ZNF878: variants seen among roughly 807,000 people sequenced by gnomAD.
The protein encoded by ZNF878 is zinc finger protein 878.
In ZNF878, 10 loss-of-function variants were observed where a neutral mutation model predicts 11.1. The observed-to-expected ratio is 0.90, with a 90% confidence interval of 0.56 to 1.53. The LOEUF (loss-of-function observed/expected upper bound fraction) is 1.53, where lower values mean the gene tolerates loss of function less well. ZNF878 is among the 40% of genes most tolerant of loss of function. The pLI, the probability that ZNF878 is intolerant of heterozygous loss-of-function variation, is 0.00. For missense variants in ZNF878, 548 were observed against 626.1 expected (o/e 0.88, Z 1.33); for synonymous variants, 165 against 209.7 (o/e 0.79, Z 1.84).
chr19:12,052,080 C>A (rs1463991689), intron 1 of ZNF878, among the ~76,000 whole-genome samples: 3 of 152,296 alleles, frequency 2.0e-5, no homozygotes, highest in South Asian at 2.1e-4. Flanking sequence ...ACCACCTGTG[C>A]CTTCTAACCC....
At position 12,052,945 on chromosome 19, in the gene ZNF878, C is replaced by A. The variant is rs1975566002; in HGVS notation, c.-144G>T. 32 of 1,360,130 alleles carry A rather than the reference C, an allele frequency of 2.4e-5. No homozygotes were observed. The South Asian group carries it at 4.2e-4, about 18-fold the overall frequency. The allele number at this position is 1,360,130 out of a possible 1,614,324, so 84.3% of individuals were successfully genotyped here. A position where few individuals can be genotyped will look rare whatever the true frequency, so the allele number is the denominator to read the frequency against. On this transcript the variant is annotated 5_prime_UTR_variant, in exon 1 of 4. Transcript: ENST00000547628. ...AGAAAGCCCCAGACCTTAACTAGCG[C>A]GAGCAGCCCTAGGAGTGAAGAGAGC...
chr19:12,049,092 G>A (rs1403084405), intron 1 of ZNF878, among the ~76,000 whole-genome samples: 3 of 145,922 alleles, frequency 2.1e-5, no homozygotes, highest in Non-Finnish European at 3.0e-5. Flanking sequence ...GCAGTGAGCC[G>A]AGATCACGCC....
rs59577895 is a variant in ZNF878 at position 12,049,460 on chromosome 19, C to CAAAAAAAAAAAAAA, written c.4-2714_4-2701dup. Among the ~76,000 whole-genome samples the CAAAAAAAAAAAAAA allele has an allele frequency of 6.7e-3, 243 of 36,022 alleles. 15 individuals are homozygous for CAAAAAAAAAAAAAA. Among genetic ancestry groups the CAAAAAAAAAAAAAA allele is most frequent in the Middle Eastern group, 0.05 (1 of 20 alleles). 23.6% of individuals were successfully genotyped at this position (36,022 alleles called of 152,430 possible). ...TGAGCGACAGAGCGAGACTCCCTCT[C>CAAAAAAAAAAAAAA]AAAAAAAAAAAAAAAAAAAAAGAAT... On this transcript the variant is annotated intron_variant, in intron 1 of 3. Coordinates refer to ENST00000547628, the MANE Select transcript of ZNF878 (RefSeq NM_001080404.3).
chr19:12,049,473 A>AAAAAAAAAAAAAAAAAAAAT (rs1975529961), intron 1 of ZNF878, among the ~76,000 whole-genome samples: 1 of 147,598 alleles, frequency 6.8e-6, no homozygotes, highest in African/African-American at 2.5e-5. Context: ...AAAAAAAAAA[A>AAAAAAAAAAAAAAAAAAAAT]AAAAAAAAGA....
At position 12,044,072 on chromosome 19, in the gene ZNF878, C is replaced by G. The variant is rs1913592482; in HGVS notation, c.1329G>C (p.Arg443Ser). The G allele has an allele frequency of 1.5e-5, 24 of 1,613,438 alleles. No individual in the cohort carries two copies. Among genetic ancestry groups the G allele is most frequent in the Non-Finnish European group, 1.9e-5 (22 of 1,179,862 alleles). The stretch of plus-strand genomic sequence containing the variant: ...CATAGGGTTTCTCTCCTGTGTGAGT[C>G]CTTTCATGCATTTTAAGTTGTGAGG... ...RVASQLKMHE[R>S]THTGEKPYEC... The change falls in exon 4 of 4, where the codon AGG (arginine) becomes AGC (serine). Residue 443 changes from arginine (R) to serine (S), a missense_variant. Physicochemically the swap from Arg to Ser is moderately radical, Grantham distance 110. Transcript: ENST00000547628.
chr19:12,048,090 G>T (rs1157267974), intron 1 of ZNF878, among the ~76,000 whole-genome samples: 2 of 152,278 alleles, frequency 1.3e-5, no homozygotes, highest in East Asian at 3.9e-4. Flanking sequence ...TCAACACAGT[G>T]GCATGTTTGC....
chr19:12,051,997 C>A (rs1975556569), intron 1 of ZNF878, among the ~76,000 whole-genome samples: 1 of 152,174 alleles, frequency 6.6e-6, no homozygotes. Flanking sequence ...TAACAGCCCT[C>A]CTTCCTACAG....
chr19:12,048,233 C>T (rs901039642), intron 1 of ZNF878, among the ~76,000 whole-genome samples: 4 of 151,896 alleles, frequency 2.6e-5, no homozygotes, highest in African/African-American at 9.7e-5. Flanking sequence ...ATATGGCAGG[C>T]CTGGGCTGGG....
intron 1 of ZNF878, among the ~76,000 whole-genome samples, chr19:12,052,286 CTT>C (rs1975559164): frequency 6.6e-6 from 1 of 152,172 alleles, no homozygotes; most frequent in Non-Finnish European, 1.5e-5. Context: ...TCAGAATAAA[CTT>C]ATTCTACACG....
intron 1 of ZNF878, among the ~76,000 whole-genome samples, chr19:12,048,510 T>A: frequency 7.8e-6 from 1 of 128,892 alleles, no homozygotes; most frequent in African/African-American, 3.0e-5. Flanking sequence ...TGAACGAGAC[T>A]CCATCTCAAA....
intron 1 of ZNF878, among the ~76,000 whole-genome samples, 199 bp downstream of exon 1, chr19:12,052,600 G>A (rs1028453025): frequency 2.6e-5 from 4 of 152,192 alleles, no homozygotes; most frequent in African/African-American, 9.6e-5. Flanking sequence ...CGCAGGGACC[G>A]GACAGGACGC....
At chr19:12,048,298 C>A (rs1975514596) in intron 1 of ZNF878, among the ~76,000 whole-genome samples, 1 of 151,312 alleles carries the variant, frequency 6.6e-6, no homozygotes, top group Non-Finnish European at 1.5e-5. Context: ...GCGGGTGGAT[C>A]ACGAGGTCAG....
chr19:12,044,675 T>A lies in ZNF878; in HGVS notation c.726A>T (p.Leu242Phe). 6.2e-7 allele frequency: 1 copy of A among 1,613,896 alleles called. No homozygotes were observed. Among genetic ancestry groups the A allele is most frequent in the South Asian group, 1.1e-5 (1 of 91,048 alleles). The change falls in exon 4 of 4, where the codon TTA (leucine) becomes TTT (phenylalanine). Residue 242 changes from leucine to phenylalanine, a missense_variant. Transcript: ENST00000547628. ...CAGTGTGACTTTTCTCGTGTCTTTTTAACGAACTGGGAGAAAAAAAGGCTT... is the reference window on the plus strand; with the variant it reads ...CAGTGTGACTTTTCTCGTGTCTTTTAAACGAACTGGGAGAAAAAAAGGCTT... ...CGKAFFSPSS[L>F]KRHEKSHTGE...
At chr19:12,049,089 GC>G (rs1302794752) in intron 1 of ZNF878, among the ~76,000 whole-genome samples, 2 of 148,244 alleles carry the variant, frequency 1.3e-5, no homozygotes, top group Non-Finnish European at 3.0e-5. Context: ...GTTGCAGTGA[GC>G]CGAGATCACG....
At position 12,043,903 on chromosome 19, in the gene ZNF878, T is replaced by C; in HGVS notation, c.1498A>G (p.Ile500Val). 6.2e-7 allele frequency: 1 copy of C among 1,614,108 alleles called. No homozygotes were observed. Among genetic ancestry groups the C allele is most frequent in the Non-Finnish European group, 8.5e-7 (1 of 1,180,008 alleles). Residue 500 changes from isoleucine to valine, a missense_variant, in exon 4 of 4, where the codon ATT becomes GTT. Physicochemically the swap from Ile to Val is conservative, Grantham distance 29 (BLOSUM62 3). This residue lies in a region of ZNF878 where 335 missense variants were observed against 358.2 expected (regional missense o/e 0.94). Transcript: ENST00000547628. ...TCATAGGGTTTCTCTCCAGTATGAA[T>C]CCTTTCATGGTAGAGAAAAGAGTTG... ...SSNSFLYHER[I>V]HTGEKPYECK...
chr19:12,048,007 G>C (rs1237682653), intron 1 of ZNF878, among the ~76,000 whole-genome samples: 1 of 152,028 alleles, frequency 6.6e-6, no homozygotes, highest in Non-Finnish European at 1.5e-5. Context: ...TTGTCACCAA[G>C]GTCAAAAACT....
At position 12,046,350 on chromosome 19, in the gene ZNF878, C is replaced by A; in HGVS notation, c.191+18G>T. ...ATTGTATACAGAGACATTGTTTTCT[C>A]TTTTAAGTGCCAGTTACCTTAGGTT... is the stretch of plus-strand genomic sequence containing the variant. On this transcript the variant is annotated intron_variant, in intron 3 of 3. Transcript: ENST00000547628. The A allele has an allele frequency of 6.5e-7, 1 of 1,536,420 alleles. No individual in the cohort carries two copies. Among genetic ancestry groups the A allele is most frequent in the East Asian group, 2.4e-5 (1 of 42,332 alleles).
chr19:12,045,498 A>G (rs1599389299), intron 3 of ZNF878, among the ~76,000 whole-genome samples: 2 of 151,894 alleles, frequency 1.3e-5, no homozygotes, highest in East Asian at 3.9e-4. Flanking sequence ...AATACAAAAA[A>G]TTAGCCGGGC....
At chr19:12,050,673 C>A (rs1217940158) in intron 1 of ZNF878, among the ~76,000 whole-genome samples, 1 of 152,202 alleles carries the variant, frequency 6.6e-6, no homozygotes, top group Non-Finnish European at 1.5e-5. Context: ...TCAGGAAAGA[C>A]CCCTTCCCTC....
Sources: gnomAD v4.1 joint callset for allele counts (sites outside exome capture counted in the v4.1 genomes callset) on GRCh38, gnomAD v4.1.1 for gene constraint, gnomAD v4.1.1 regional missense constraint, MANE v1.5 for transcripts, NCBI Gene and HGNC (gene_info 2026-07-23, HGNC 2026-07-21) for gene names.